Variants in KIAA0825 observed in about 807,000 individuals in gnomAD.
The protein encoded by KIAA0825 is uncharacterized protein KIAA0825.
In KIAA0825, 119 loss-of-function variants were observed where a neutral mutation model predicts 147.6. The observed-to-expected ratio is 0.81, with a 90% CI of 0.69 to 0.94. The LOEUF (loss-of-function observed/expected upper bound fraction) is 0.94, where lower values mean the gene tolerates loss of function less well. KIAA0825 is among the 40% of genes least tolerant of loss of function. The probability of loss-of-function intolerance (pLI) is 0.00; values close to 1 mark genes in which losing one functional copy is unlikely to be tolerated. For synonymous variants in KIAA0825, 470 were observed against 518.1 expected (o/e 0.91, Z 1.26); for missense variants, 1,381 against 1,472.7 (o/e 0.94, Z 1.02).
chr5:94,388,936 A>C (rs1050735271), intron 18 of KIAA0825, among the ~76,000 whole-genome samples: 1 of 152,162 alleles, frequency 6.6e-6, no homozygotes, highest in African/African-American at 2.4e-5. Context: ...CTCAACTACC[A>C]CACTCATATA....
chr5:94,331,134 CA>C (rs1217289834), intron 20 of KIAA0825, among the ~76,000 whole-genome samples: 56 of 85,190 alleles, frequency 6.6e-4, no homozygotes, highest in East Asian at 6.6e-4. Flanking sequence ...GACTCTGTCT[CA>C]AAAAAAAAAA....
chr5:94,273,679 T>C (rs1777090628), intron 20 of KIAA0825, among the ~76,000 whole-genome samples: 1 of 152,136 alleles, frequency 6.6e-6, no homozygotes, highest in Non-Finnish European at 1.5e-5. Flanking sequence ...TTAAAGGTGA[T>C]TGGGGTTTAA....
At chr5:94,335,146 G>A (rs752543570) in intron 20 of KIAA0825, among the ~76,000 whole-genome samples, 12 of 151,982 alleles carry the variant, frequency 7.9e-5, no homozygotes, top group Non-Finnish European at 1.5e-4. Flanking sequence ...AATAAAAATA[G>A]CTATTGTTAT....
chr5:94,218,576 T>C (rs1050571705), intron 20 of KIAA0825, among the ~76,000 whole-genome samples: 5 of 152,200 alleles, frequency 3.3e-5, no homozygotes, highest in African/African-American at 1.2e-4. Context: ...GGAATGACTG[T>C]TGAACTAAAC....
chr5:94,334,541 G>A (rs944884042), intron 20 of KIAA0825, among the ~76,000 whole-genome samples: 2 of 152,180 alleles, frequency 1.3e-5, no homozygotes, highest in African/African-American at 2.4e-5. Flanking sequence ...GAATTGCAGT[G>A]GTGCAATCTC....
In KIAA0825 at chr5:94,151,427, A is replaced by C. The variant is rs1766482467; in HGVS notation, c.*2580T>G. 2.0e-5 allele frequency among the ~76,000 whole-genome samples: 3 copies of C among 149,058 alleles called. No homozygotes were observed. Among genetic ancestry groups the C allele is most frequent in the South Asian group, 2.1e-4 (1 of 4,776 alleles). ...CGACAGAGCGAGACTCCGTCTCAAAAAAAAAAAAAAAAAAAAAAAAAAAAC... is the reference window on the plus strand; with the variant it reads ...CGACAGAGCGAGACTCCGTCTCAAACAAAAAAAAAAAAAAAAAAAAAAAAC... On this transcript the variant is annotated 3_prime_UTR_variant, in exon 21 of 21. Coordinates refer to ENST00000682413, the MANE Select transcript of KIAA0825 (RefSeq NM_001145678.3).
chr5:94,430,643 T>C lies in KIAA0825; in HGVS notation c.2497+9339A>G, dbSNP rs115250785. On this transcript the variant is annotated intron_variant, in intron 14 of 20. Coordinates refer to ENST00000682413, the MANE Select transcript of KIAA0825 (RefSeq NM_001145678.3). The stretch of plus-strand genomic sequence containing the variant: ...GAAAAGATGCTGCAGAAATTCATCA[T>C]AATAGTATTACTTGTAATATAATGC... 1.8e-3 allele frequency among the ~76,000 whole-genome samples: 272 copies of C among 152,318 alleles called. 2 individuals carry two copies. Among genetic ancestry groups the C allele is most frequent in the African/African-American group, 5.8e-3 (243 of 41,578 alleles).
intron 15 of KIAA0825, chr5:94,413,623 G>T (rs1723373824): frequency 6.6e-6 from 1 of 152,150 alleles, no homozygotes; most frequent in African/African-American, 2.4e-5. Flanking sequence ...TCTTCCTGGG[G>T]CTGAGAGTTG....
intron 6 of KIAA0825, among the ~76,000 whole-genome samples, chr5:94,482,942 G>T (rs1762652616): frequency 6.6e-6 from 1 of 151,872 alleles, no homozygotes; most frequent in South Asian, 2.1e-4. Context: ...CTGCCTTACT[G>T]CTTATAAGAT....
At chr5:94,325,629 T>C (rs1429733530) in intron 20 of KIAA0825, among the ~76,000 whole-genome samples, 4 of 151,960 alleles carry the variant, frequency 2.6e-5, no homozygotes, top group Non-Finnish European at 5.9e-5. Flanking sequence ...CTTTAGTATA[T>C]GATTACTTTT....
intron 20 of KIAA0825, among the ~76,000 whole-genome samples, chr5:94,221,928 A>T (rs969265026): frequency 6.6e-6 from 1 of 151,888 alleles, no homozygotes; most frequent in Non-Finnish European, 1.5e-5. Flanking sequence ...ATCAAGGCCC[A>T]TTTTTTTCTC....
intron 5 of KIAA0825, among the ~76,000 whole-genome samples, chr5:94,488,546 G>A (rs918759351): frequency 6.6e-6 from 1 of 151,616 alleles, no homozygotes; most frequent in Non-Finnish European, 1.5e-5. Context: ...AGATAGTTGA[G>A]GGTTTTTTCT....
intron 20 of KIAA0825, among the ~76,000 whole-genome samples, chr5:94,356,801 T>A (rs2150386662): frequency 6.9e-6 from 1 of 144,316 alleles, no homozygotes; most frequent in South Asian, 2.3e-4. Flanking sequence ...CTTGGCTCAC[T>A]GCAACCTCCG....
chr5:94,479,098 A>G (rs972110609), intron 6 of KIAA0825, among the ~76,000 whole-genome samples: 2 of 152,174 alleles, frequency 1.3e-5, no homozygotes, highest in African/African-American at 2.4e-5. Flanking sequence ...AAATATTATT[A>G]TTAACTAAGT....
chr5:94,337,259 T>C (rs1247361828), intron 20 of KIAA0825, among the ~76,000 whole-genome samples: 1 of 152,216 alleles, frequency 6.6e-6, no homozygotes, highest in Non-Finnish European at 1.5e-5. Flanking sequence ...CACAGTAAAG[T>C]TGTTTTAAGA....
chr5:94,368,977 G>A (rs1277408479), intron 20 of KIAA0825, among the ~76,000 whole-genome samples: 5 of 151,954 alleles, frequency 3.3e-5, no homozygotes, highest in African/African-American at 7.3e-5. Context: ...AGACCAGACC[G>A]GGCAACATGG....
chr5:94,181,827 T>G (rs1769644043), intron 20 of KIAA0825, among the ~76,000 whole-genome samples: 1 of 152,202 alleles, frequency 6.6e-6, no homozygotes, highest in African/African-American at 2.4e-5. Context: ...TAAGAGAGTT[T>G]AAAGGTTTTC....
At chr5:94,585,272 T>C (rs543972446) in intron 1 of KIAA0825, among the ~76,000 whole-genome samples, 1,542 of 152,272 alleles carry the variant, frequency 0.01, 10 homozygotes, top group Non-Finnish European at 0.016. Flanking sequence ...CAAGACCCAT[T>C]GGTGTGCTGT....
rs113092176 is a variant in KIAA0825 at position 94,408,769 on chromosome 5, A to G, written c.2663-4976T>C. On this transcript the variant is annotated intron_variant, in intron 15 of 20. Transcript: ENST00000682413. ...TTTTTCACCATAGAGCACTGCATTA[A>G]TGTATAGAAGAAGAGAAGAACGTAC... Among the ~76,000 whole-genome samples, 779 of 152,336 alleles carry G rather than the reference A, an allele frequency of 5.1e-3. 5 individuals are homozygous for G. Among genetic ancestry groups the G allele is most frequent in the Non-Finnish European group, 8.2e-3 (557 of 68,030 alleles).
Sources: gnomAD v4.1 joint callset for allele counts (sites outside exome capture counted in the v4.1 genomes callset) on GRCh38, gnomAD v4.1.1 for gene constraint, MANE v1.5 for transcripts, NCBI Gene and HGNC (gene_info 2026-07-23, HGNC 2026-07-21) for gene names.